Variants in C1GALT1 observed in about 807,000 individuals in gnomAD.
C1GALT1 encodes glycoprotein-N-acetylgalactosamine 3-beta-galactosyltransferase 1.
C1GALT1 carries 11 observed loss-of-function variants against 31.0 expected under a neutral mutation model. The observed-to-expected ratio is 0.36, with a 90% CI of 0.22 to 0.59. C1GALT1 has a LOEUF of 0.59. Among genes scored for constraint, C1GALT1 ranks in the 20% least tolerant of loss-of-function variants. The pLI is 0.79. For synonymous variants in C1GALT1, 175 were observed against 143.6 expected (o/e 1.22, Z -1.56); for missense variants, 424 against 425.2 (o/e 1.00, Z 0.03).
intron 1 of C1GALT1, among the ~76,000 whole-genome samples, chr7:7,193,006 GT>G (rs998908594): frequency 2.0e-5 from 3 of 151,370 alleles, no homozygotes; most frequent in African/African-American, 4.9e-5. Context: ...GGGATTGTTT[GT>G]TTTTTTTCTT....
At chr7:7,229,175 G>T (rs139920436) in intron 1 of C1GALT1, among the ~76,000 whole-genome samples, 1 of 152,262 alleles carries the variant, frequency 6.6e-6, no homozygotes, top group African/African-American at 2.4e-5. Context: ...TGCCAGGAGC[G>T]GTAGACTCTG....
At chr7:7,197,995 A>C (rs1781372710) in intron 1 of C1GALT1, among the ~76,000 whole-genome samples, 1 of 152,150 alleles carries the variant, frequency 6.6e-6, no homozygotes, top group South Asian at 2.1e-4. Flanking sequence ...GGACAATTTG[A>C]CTTCCTCTTT....
In C1GALT1 at chr7:7,238,457, T is replaced by G; in HGVS notation, c.423T>G (p.Asp141Glu). 6.2e-7 allele frequency: 1 copy of G among 1,613,822 alleles called. No individual in the cohort carries two copies. Among genetic ancestry groups the G allele is most frequent in the Non-Finnish European group, 8.5e-7 (1 of 1,179,932 alleles). The change falls in exon 3 of 4, where the codon GAT (aspartate) becomes GAG (glutamate). Residue 141 changes from aspartate to glutamate, a missense_variant. Asp to Glu is a conservative substitution (Grantham distance 45). Coordinates refer to ENST00000436587, the MANE Select transcript of C1GALT1 (RefSeq NM_020156.5). The surrounding 1 kb of genome is among the most constrained non-coding windows in gnomAD (Gnocchi z 5.2). Reference sequence around the variant, plus strand: ...GACTGAAAACCAAAGAAGGCAGAGATCAACTATACTGGAAAACAATTAAAG... The same window carrying G: ...GACTGAAAACCAAAGAAGGCAGAGAGCAACTATACTGGAAAACAATTAAAG... ...AVGLKTKEGR[D>E]QLYWKTIKAF...
Position 7,245,915 on chromosome 7 carries a change from G to T in C1GALT1, c.*2188G>T, listed in dbSNP as rs1209961825. ...TCAATTTCCTCATCTTTTAATTAGGGATGATAATACTACCTACCTCACAGG... is the reference window on the plus strand; with the variant it reads ...TCAATTTCCTCATCTTTTAATTAGGTATGATAATACTACCTACCTCACAGG... On this transcript the variant is annotated 3_prime_UTR_variant, in exon 4 of 4. Transcript: ENST00000436587. 1 of 152,084 alleles carries T rather than the reference G, an allele frequency of 6.6e-6. No individual in the cohort carries two copies. Among genetic ancestry groups the T allele is most frequent in the Non-Finnish European group, 1.5e-5 (1 of 68,016 alleles). 9.4% of individuals were successfully genotyped at this position (152,084 alleles called of 1,614,324 possible). A position where few individuals can be genotyped will look rare whatever the true frequency, so the allele number is the denominator to read the frequency against.
chr7:7,218,750 C>G (rs954485607), intron 1 of C1GALT1, among the ~76,000 whole-genome samples: 10 of 152,088 alleles, frequency 6.6e-5, no homozygotes, highest in Non-Finnish European at 7.4e-5. Flanking sequence ...TTGGAAAGGT[C>G]CATTTGGTAG....
chr7:7,178,776 G>A (rs1180806776), upstream of C1GALT1, among the ~76,000 whole-genome samples: 3 of 152,200 alleles, frequency 2.0e-5, no homozygotes, highest in Non-Finnish European at 4.4e-5. Context: ...CTGCATGTGT[G>A]CCAGGCATTG....
intron 1 of C1GALT1, 42 bp downstream of exon 1, chr7:7,182,862 C>T: frequency 1.0e-6 from 1 of 984,882 alleles, no homozygotes; most frequent in Non-Finnish European, 1.2e-6. Flanking sequence ...GGTCCAAGGT[C>T]TCGTCTCCCC....
Position 7,244,655 on chromosome 7 carries a change from T to C in C1GALT1, c.*928T>C, listed in dbSNP as rs972875838. 4.6e-5 allele frequency: 7 copies of C among 152,154 alleles called. No individual in the cohort carries two copies. The highest frequency in any genetic ancestry group is 1.7e-4 in the African/African-American group (7 of 41,442). The allele number at this position is 152,154 out of a possible 1,614,324, so 9.4% of individuals were successfully genotyped here. ...TTTTAAATTGATATTTTAAACTCTT[T>C]CCAACTACATAGTTATGGTTTATTT... On this transcript the variant is annotated 3_prime_UTR_variant, in exon 4 of 4. Transcript: ENST00000436587.
At chr7:7,198,778 C>T (rs952227190) in intron 1 of C1GALT1, among the ~76,000 whole-genome samples, 1 of 152,122 alleles carries the variant, frequency 6.6e-6, no homozygotes, top group Non-Finnish European at 1.5e-5. Flanking sequence ...TGTATGTGTC[C>T]AGGAATTTAT....
intron 1 of C1GALT1, among the ~76,000 whole-genome samples, chr7:7,189,393 A>G (rs1365338119): frequency 6.6e-6 from 1 of 152,198 alleles, no homozygotes; most frequent in Non-Finnish European, 1.5e-5. Context: ...GAGAAAGAAT[A>G]CAGGACTACC....
intron 1 of C1GALT1, among the ~76,000 whole-genome samples, chr7:7,210,100 G>A (rs531542203): frequency 9.9e-5 from 15 of 152,144 alleles, no homozygotes; most frequent in South Asian, 8.3e-4. Context: ...GGATGTATAC[G>A]TGCAGGTCAC....
upstream of C1GALT1, among the ~76,000 whole-genome samples, chr7:7,181,155 G>T (rs73335341): frequency 0.088 from 13,333 of 151,986 alleles, 1,988 homozygotes; most frequent in African/African-American, 0.31. Flanking sequence ...ACCCCTGAAA[G>T]AGTTCTCCTT....
chr7:7,181,180 G>A (rs1780575746), upstream of C1GALT1, among the ~76,000 whole-genome samples: 1 of 102,016 alleles, frequency 9.8e-6, no homozygotes, highest in Admixed American at 9.1e-5. Flanking sequence ...GTTTCACAAT[G>A]GATGGCAAGA....
At chr7:7,166,439 C>G (rs1780393401) in intron 2 of C1GALT1, among the ~76,000 whole-genome samples, 1 of 152,016 alleles carries the variant, frequency 6.6e-6, no homozygotes, top group Admixed American at 6.6e-5. Context: ...TTTTATAACT[C>G]TAGAAAATGC....
chr7:7,210,403 G>A (rs1018681745), intron 1 of C1GALT1: 1 of 149,614 alleles, frequency 6.7e-6, no homozygotes, highest in Non-Finnish European at 1.5e-5. Flanking sequence ...ATAATTTCAT[G>A]GTGGGCAGAT....
chr7:7,176,024 T>C (rs12530950), intron 2 of C1GALT1, among the ~76,000 whole-genome samples: 61 of 152,304 alleles, frequency 4.0e-4, no homozygotes, highest in Admixed American at 3.2e-3. Context: ...TTTGTATGCC[T>C]GGAGACAGCA....
intron 2 of C1GALT1, among the ~76,000 whole-genome samples, chr7:7,159,506 T>C (rs1780311143): frequency 6.6e-6 from 1 of 151,610 alleles, no homozygotes; most frequent in Admixed American, 6.6e-5. Flanking sequence ...GGAAAGAAAG[T>C]GGTGTGTTGG....
intron 1 of C1GALT1, among the ~76,000 whole-genome samples, chr7:7,224,802 A>G (rs1424588090): frequency 2.0e-5 from 3 of 152,112 alleles, no homozygotes; most frequent in South Asian, 4.1e-4. Context: ...GGGTACATAT[A>G]CAGGTTTGTT....
At chr7:7,181,256 T>C (rs1780579757), upstream of C1GALT1, among the ~76,000 whole-genome samples, 1 of 151,114 alleles carries the variant, frequency 6.6e-6, no homozygotes, top group Admixed American at 6.6e-5. Flanking sequence ...TGGAAGGATA[T>C]TGCGGAAAGG....
Sources: allele counts gnomAD v4.1 joint callset (sites outside exome capture counted in the v4.1 genomes callset), GRCh38; gene constraint gnomAD v4.1.1; non-coding constraint Gnocchi (gnomAD v3.1); transcripts MANE v1.5; gene names NCBI Gene and HGNC (gene_info 2026-07-23, HGNC 2026-07-21).